GLI3: variants seen among roughly 807,000 people sequenced by gnomAD.
GLI3 encodes the protein transcription activator GLI3.
Under a neutral mutation model 100.8 loss-of-function variants are expected in GLI3, and 20 were observed. The observed-to-expected ratio is 0.20, with a 90% CI of 0.14 to 0.29. The LOEUF is 0.29. GLI3 is among the 10% of genes least tolerant of loss of function. The probability of loss-of-function intolerance (pLI) is 1.00; values close to 1 mark genes in which losing one functional copy is unlikely to be tolerated. For synonymous variants in GLI3, 938 were observed against 860.5 expected (o/e 1.09, Z -1.58); for missense variants, 2,040 against 2,128.5 (o/e 0.96, Z 0.82).
At chr7:42,233,203 T>C (rs1256850719) in intron 1 of GLI3, among the ~76,000 whole-genome samples, 4 of 152,226 alleles carry the variant, frequency 2.6e-5, no homozygotes, top group Non-Finnish European at 5.9e-5. Flanking sequence ...ATATCTAAAG[T>C]GGCTCTAAAT....
intron 2 of GLI3, among the ~76,000 whole-genome samples, chr7:42,206,291 C>CAAT (rs200574285): frequency 7.1e-4 from 107 of 150,462 alleles, no homozygotes; most frequent in African/African-American, 1.9e-3. Context: ...ATAATAATAA[C>CAAT]AATAATAATA....
At chr7:42,099,486 T>C (rs699495) in intron 3 of GLI3, among the ~76,000 whole-genome samples, 77,214 of 152,100 alleles carry the variant, frequency 0.51, 21,316 homozygotes, top group African/African-American at 0.74. Context: ...TCTGTAACTT[T>C]AAATTTTTGT....
chr7:42,257,481 A>G (rs1206495404), intron 1 of GLI3, among the ~76,000 whole-genome samples: 1 of 150,742 alleles, frequency 6.6e-6, no homozygotes, highest in East Asian at 2.0e-4. Flanking sequence ...AGTAGCTGGG[A>G]CTACAGGTGC....
rs11441623 is a variant in GLI3, at chr7:42,134,080, C to CAA, written c.367+14144_367+14145dup. ...TGGGCAACAGAGCGAGACTCTGTCT[C>CAA]AAAAAAAAAAAAAAAGAAAAAAAAA... On this transcript the variant is annotated intron_variant, in intron 3 of 14. Transcript: ENST00000395925. 1.9e-3 allele frequency among the ~76,000 whole-genome samples: 203 copies of CAA among 109,220 alleles called. 3 individuals carry two copies. The highest frequency in any genetic ancestry group is 0.019 in the South Asian group (64 of 3,458). 71.7% of individuals were successfully genotyped at this position (109,220 alleles called of 152,430 possible).
chr7:42,242,221 G>C (rs1788932370), upstream of GLI3, among the ~76,000 whole-genome samples: 1 of 152,204 alleles, frequency 6.6e-6, no homozygotes, highest in South Asian at 2.1e-4. Context: ...GCCAATGCAT[G>C]TTAATTTGAT....
chr7:42,196,439 C>T (rs1333974755), intron 2 of GLI3, among the ~76,000 whole-genome samples: 1 of 152,180 alleles, frequency 6.6e-6, no homozygotes. Context: ...ATTAACGTTG[C>T]ATTGCAGAAG....
At chr7:42,147,045 A>G (rs1256191744) in intron 3 of GLI3, among the ~76,000 whole-genome samples, 4 of 152,146 alleles carry the variant, frequency 2.6e-5, no homozygotes, top group Non-Finnish European at 5.9e-5. Flanking sequence ...CCACTTTTTA[A>G]AAAATGCTCT....
At chr7:42,015,893 T>G (rs1055705446) in intron 10 of GLI3, among the ~76,000 whole-genome samples, 6 of 152,182 alleles carry the variant, frequency 3.9e-5, no homozygotes, top group African/African-American at 1.4e-4. Context: ...TTTTTTGTTT[T>G]TCTTACGTGT....
chr7:42,218,200 T>C (rs918911004), intron 2 of GLI3, among the ~76,000 whole-genome samples: 40 of 152,150 alleles, frequency 2.6e-4, no homozygotes, highest in African/African-American at 9.1e-4. Flanking sequence ...TGGACCTCTA[T>C]AGAAACAAGA....
At chr7:42,232,049 A>T (rs1326324964) in intron 1 of GLI3, among the ~76,000 whole-genome samples, 1 of 152,176 alleles carries the variant, frequency 6.6e-6, no homozygotes, top group African/African-American at 2.4e-5. Flanking sequence ...ATTTTGTGGC[A>T]TAAGAATTAT....
At chr7:42,051,199 A>G (rs1784345455) in intron 4 of GLI3, among the ~76,000 whole-genome samples, 1 of 152,200 alleles carries the variant, frequency 6.6e-6, no homozygotes, top group Non-Finnish European at 1.5e-5. Flanking sequence ...CCAGGATTTG[A>G]AGATAAAGAT....
At chr7:42,170,972 CAGTT>C (rs1286884453) in intron 2 of GLI3, among the ~76,000 whole-genome samples, 2 of 152,108 alleles carry the variant, frequency 1.3e-5, no homozygotes, top group Non-Finnish European at 2.9e-5. Context: ...ACTCAGCACA[CAGTT>C]ATTTATTAAT....
chr7:42,172,170 G>A (rs903149956), intron 2 of GLI3, among the ~76,000 whole-genome samples: 5 of 151,940 alleles, frequency 3.3e-5, no homozygotes, highest in African/African-American at 9.7e-5. Flanking sequence ...ACGTAGGCCC[G>A]TTATCTCCTT....
At chr7:42,020,557 C>G (rs971670377) in intron 10 of GLI3, among the ~76,000 whole-genome samples, 45 of 152,064 alleles carry the variant, frequency 3.0e-4, no homozygotes, top group African/African-American at 1.0e-3. Flanking sequence ...TAAGGCAGAG[C>G]ATCAGAATGG....
chr7:42,035,635 A>G (rs1337367339), intron 7 of GLI3, among the ~76,000 whole-genome samples: 1 of 152,252 alleles, frequency 6.6e-6, no homozygotes, highest in Admixed American at 6.5e-5. Context: ...TGGGTTAGAA[A>G]TGCGTAGAGT....
intron 2 of GLI3, among the ~76,000 whole-genome samples, chr7:42,213,791 C>G (rs1788318120): frequency 6.6e-6 from 1 of 152,244 alleles, no homozygotes; most frequent in South Asian, 2.1e-4. Flanking sequence ...GACAGCCTAT[C>G]TGTAAATTAC....
intron 2 of GLI3, among the ~76,000 whole-genome samples, chr7:42,167,608 AAGAG>A (rs926996170): frequency 3.9e-5 from 6 of 152,238 alleles, no homozygotes; most frequent in Non-Finnish European, 8.8e-5. Context: ...CATACAGAGA[AAGAG>A]AGAGAGAAAT....
At chr7:42,117,496 A>T (rs986387098) in intron 3 of GLI3, among the ~76,000 whole-genome samples, 3 of 152,224 alleles carry the variant, frequency 2.0e-5, no homozygotes, top group Non-Finnish European at 4.4e-5. Context: ...TTTAAGAAAA[A>T]TGACCAATGA....
At chr7:41,999,050 T>A (rs143189249) in intron 10 of GLI3, among the ~76,000 whole-genome samples, 38 of 152,332 alleles carry the variant, frequency 2.5e-4, no homozygotes, top group Non-Finnish European at 4.9e-4. Flanking sequence ...TTGCTTAGTA[T>A]GAAAAATGGA....
Sources: allele counts gnomAD v4.1 joint callset (sites outside exome capture counted in the v4.1 genomes callset), GRCh38; gene constraint gnomAD v4.1.1; transcripts MANE v1.5; gene names NCBI Gene and HGNC (gene_info 2026-07-23, HGNC 2026-07-21).